ZFYVE9: variants seen among roughly 807,000 people sequenced by gnomAD.
ZFYVE9 encodes zinc finger FYVE domain-containing protein 9.
ZFYVE9 carries 43 observed loss-of-function variants against 126.7 expected under a neutral mutation model. The ratio of observed to expected loss-of-function variants is 0.34; its 90% CI spans 0.27 to 0.44. The LOEUF (loss-of-function observed/expected upper bound fraction) is 0.44. ZFYVE9 is among the 20% of genes least tolerant of loss of function. The pLI, the probability that ZFYVE9 is intolerant of heterozygous loss-of-function variation, is 1.00. For missense variants in ZFYVE9, 1,476 were observed against 1,697.0 expected (o/e 0.87, Z 2.29); for synonymous variants, 521 against 597.4 (o/e 0.87, Z 1.87).
At chr1:52,251,541 G>A (rs977057007) in intron 4 of ZFYVE9, among the ~76,000 whole-genome samples, 5 of 152,080 alleles carry the variant, frequency 3.3e-5, no homozygotes, top group African/African-American at 1.2e-4. Context: ...TTGCATTCCA[G>A]TAATAAATAT....
intron 2 of ZFYVE9, among the ~76,000 whole-genome samples, chr1:52,218,812 T>C (rs1252985622): frequency 1.3e-5 from 2 of 151,890 alleles, no homozygotes; most frequent in African/African-American, 4.8e-5. Context: ...AAGCGGGTAA[T>C]GGGGGGAGAT....
At chr1:52,281,509 C>T in intron 9 of ZFYVE9, 152 bp from the exon 10 acceptor site, 2 of 836,698 alleles carry the variant, frequency 2.4e-6, no homozygotes, top group Non-Finnish European at 3.5e-6. Flanking sequence ...GTTTTTGGCT[C>T]AATGCAGTGA....
chr1:52,171,491 T>G (rs1206572340), intron 1 of ZFYVE9, among the ~76,000 whole-genome samples: 1 of 152,202 alleles, frequency 6.6e-6, no homozygotes, highest in Non-Finnish European at 1.5e-5. Flanking sequence ...GCAGCATGAT[T>G]TATAGTCCTT....
At chr1:52,221,022 C>G (rs964851842) in intron 2 of ZFYVE9, among the ~76,000 whole-genome samples, 1 of 152,078 alleles carries the variant, frequency 6.6e-6, no homozygotes, top group African/African-American at 2.4e-5. Context: ...AAATCTTGGC[C>G]CTTACTATTG....
At chr1:52,255,898 T>TTTTC (rs1645503061) in intron 4 of ZFYVE9, among the ~76,000 whole-genome samples, 14 of 102,058 alleles carry the variant, frequency 1.4e-4, no homozygotes, top group Non-Finnish European at 2.2e-4. Context: ...CTATTTTGCT[T>TTTTC]TTTTCTTTTC....
At chr1:52,336,204 A>G (rs894313832) in intron 15 of ZFYVE9, among the ~76,000 whole-genome samples, 3 of 152,032 alleles carry the variant, frequency 2.0e-5, no homozygotes, top group Admixed American at 2.0e-4. Context: ...ATAATCTTAC[A>G]TATATTTATA....
intron 4 of ZFYVE9, among the ~76,000 whole-genome samples, chr1:52,257,558 G>A (rs1283452445): frequency 2.6e-5 from 4 of 152,154 alleles, no homozygotes; most frequent in African/African-American, 9.7e-5. Flanking sequence ...TATGATGTCA[G>A]CTGTAACCAT....
At chr1:52,307,910 C>T (rs1029470305) in intron 13 of ZFYVE9, among the ~76,000 whole-genome samples, 1 of 152,014 alleles carries the variant, frequency 6.6e-6, no homozygotes, top group African/African-American at 2.4e-5. Flanking sequence ...CGCTACCACG[C>T]CCGGCTAATT....
At chr1:52,180,511 G>C in intron 1 of ZFYVE9, 2 of 771,974 alleles carry the variant, frequency 2.6e-6, no homozygotes, top group Non-Finnish European at 4.6e-6. Flanking sequence ...TCAGTGCAAT[G>C]CTCTGTCCCC....
At chr1:52,311,395 G>T (rs919423807) in intron 13 of ZFYVE9, among the ~76,000 whole-genome samples, 2 of 151,726 alleles carry the variant, frequency 1.3e-5, no homozygotes, top group African/African-American at 4.8e-5. Context: ...CTCCTGAGTA[G>T]CTGGGATTAC....
At chr1:52,279,012 T>C (rs1038704060) in intron 9 of ZFYVE9, among the ~76,000 whole-genome samples, 3 of 152,142 alleles carry the variant, frequency 2.0e-5, no homozygotes, top group African/African-American at 7.2e-5. Context: ...GTGCTGGGAT[T>C]ACAGGCATGA....
chr1:52,142,679 C>T lies in ZFYVE9; in HGVS notation c.-143+276C>T, dbSNP rs963689310. Among the ~76,000 whole-genome samples, 1 of 151,980 alleles carries T rather than the reference C, an allele frequency of 6.6e-6. No individual in the cohort carries two copies. The highest frequency in any genetic ancestry group is 2.0e-4 in the East Asian group (1 of 5,108). ...AGCTGGGGGCCGGCAGGAGCACGGC[C>T]GCCTTTCGGGTTTGCATGGGCCCGG... On this transcript the variant is annotated intron_variant, in intron 1 of 18. Transcript: ENST00000287727. This position sits in a 1 kb window ranked among gnomAD's most constrained non-coding sequence, Gnocchi z 4.5.
At chr1:52,292,536 A>AT (rs1425574272) in intron 10 of ZFYVE9, among the ~76,000 whole-genome samples, 1 of 147,926 alleles carries the variant, frequency 6.8e-6, no homozygotes, top group Non-Finnish European at 1.5e-5. Context: ...CAGTGGCACA[A>AT]TCTTGGCTCA....
chr1:52,203,739 C>CTATTAT (rs572072317), intron 1 of ZFYVE9, among the ~76,000 whole-genome samples: 38 of 150,254 alleles, frequency 2.5e-4, no homozygotes, highest in Admixed American at 2.2e-3. Context: ...GTATTTTGTT[C>CTATTAT]TATTATTATT....
At chr1:52,250,183 A>G (rs1011422278) in intron 4 of ZFYVE9, among the ~76,000 whole-genome samples, 2 of 152,188 alleles carry the variant, frequency 1.3e-5, no homozygotes. Flanking sequence ...ATTGCGTTGA[A>G]TCTGTAGATC....
chr1:52,204,782 C>T (rs1292842343), intron 1 of ZFYVE9, among the ~76,000 whole-genome samples: 2 of 152,096 alleles, frequency 1.3e-5, no homozygotes, highest in African/African-American at 4.8e-5. Flanking sequence ...CAAAATGGTT[C>T]CCTTTCCCCT....
rs1226422869 is a variant in ZFYVE9 at position 52,168,516 on chromosome 1, C to CTT, written c.-143+26127_-143+26128dup. On this transcript the variant is annotated intron_variant, in intron 1 of 18. Transcript: ENST00000287727. ...ACAGGCGTGAGCCACTGTGCTTGGC[C>CTT]TTTTTTTTTTTTTTTAAAAGCAACA... 3.9e-3 allele frequency among the ~76,000 whole-genome samples: 563 copies of CTT among 143,402 alleles called. 12 individuals are homozygous for CTT. In the South Asian group the frequency reaches 0.044, roughly 11 times the overall value. 94.1% of individuals were successfully genotyped at this position (143,402 alleles called of 152,430 possible). A position where few individuals can be genotyped will look rare whatever the true frequency, so the allele number is the denominator to read the frequency against.
intron 1 of ZFYVE9, among the ~76,000 whole-genome samples, chr1:52,177,151 T>G (rs1046117327): frequency 1.3e-5 from 2 of 150,764 alleles, no homozygotes; most frequent in Non-Finnish European, 3.0e-5. Context: ...CAGCCCGATT[T>G]TTTTTTTTTT....
At chr1:52,291,270 C>T (rs899400731) in intron 10 of ZFYVE9, among the ~76,000 whole-genome samples, 1 of 152,202 alleles carries the variant, frequency 6.6e-6, no homozygotes, top group African/African-American at 2.4e-5. Context: ...GTGGCTGCTA[C>T]TGTCAGGATA....
Sources: gnomAD v4.1 joint callset for allele counts (sites outside exome capture counted in the v4.1 genomes callset) on GRCh38, gnomAD v4.1.1 for gene constraint, Gnocchi (gnomAD v3.1) non-coding constraint, MANE v1.5 for transcripts, NCBI Gene and HGNC (gene_info 2026-07-23, HGNC 2026-07-21) for gene names.